The following GLB1 variants were observed in gnomAD, a reference collection of about 807,000 sequenced individuals.
GLB1 encodes the protein galactosidase beta 1.
Under a neutral mutation model 74.0 loss-of-function variants are expected in GLB1, and 56 were observed. The observed-to-expected ratio is 0.76, with a 90% CI of 0.61 to 0.94. GLB1 has a LOEUF of 0.94. GLB1 is among the 40% of genes least tolerant of loss of function. The pLI, the probability that GLB1 is intolerant of heterozygous loss-of-function variation, is 0.00. For synonymous variants in GLB1, 323 were observed against 323.6 expected (o/e 1.00, Z 0.02); for missense variants, 787 against 845.5 (o/e 0.93, Z 0.86).
intron 10 of GLB1, among the ~76,000 whole-genome samples, chr3:33,026,866 C>T (rs1697785257): frequency 6.6e-6 from 1 of 152,166 alleles, no homozygotes; most frequent in African/African-American, 2.4e-5. Flanking sequence ...CCACTGTGGG[C>T]CTCCTCTGAG....
At chr3:33,046,748 C>T (rs1018413995) in intron 9 of GLB1, among the ~76,000 whole-genome samples, 2 of 152,188 alleles carry the variant, frequency 1.3e-5, no homozygotes, top group Non-Finnish European at 2.9e-5. Context: ...GAGATGACAG[C>T]AGACCCACAT....
intron 1 of GLB1, among the ~76,000 whole-genome samples, chr3:33,081,855 G>C (rs1700334740): frequency 6.6e-6 from 1 of 152,212 alleles, no homozygotes; most frequent in South Asian, 2.1e-4. Flanking sequence ...AGTACTGCTT[G>C]ACATGTTTAA....
Position 33,083,397 on chromosome 3 carries a change from C to CAAAAA in GLB1, c.76-10689_76-10685dup, listed in dbSNP as rs60737086. Among the ~76,000 whole-genome samples the CAAAAA allele has an allele frequency of 4.8e-5, 5 of 104,156 alleles. 2 individuals carry two copies. The highest frequency in any genetic ancestry group is 1.2e-4 in the Admixed American group (1 of 8,424). The allele number at this position is 104,156 out of a possible 152,430, so 68.3% of individuals were successfully genotyped here. ...GGGCAACAAGACTGAAACTCTGTCT[C>CAAAAA]AAAAAAAAAAAAAAAAAAAAGTGGG... is the stretch of plus-strand genomic sequence containing the variant. On this transcript the variant is annotated intron_variant, in intron 1 of 15. Transcript: ENST00000307363.
chr3:33,053,388 G>C lies in GLB1; in HGVS notation c.792+103C>G. The C allele has an allele frequency of 2.6e-6, 4 of 1,535,886 alleles. No homozygotes were observed. In the South Asian group the frequency reaches 4.6e-5, roughly 17 times the overall value. On this transcript the variant is annotated intron_variant, in intron 7 of 15. Coordinates refer to ENST00000307363, the MANE Select transcript of GLB1 (RefSeq NM_000404.4). ...TGACTCCACAATCCCATTAGCTGCT[G>C]ACTCCAGAGCCAAAAACATCAAGGG...
At chr3:33,073,734 C>T (rs1300602066) in intron 1 of GLB1, among the ~76,000 whole-genome samples, 2 of 151,876 alleles carry the variant, frequency 1.3e-5, no homozygotes, top group African/African-American at 2.4e-5. Context: ...GAATAGCAGG[C>T]ACCGTTGCTT....
the GLB1 span, among the ~76,000 whole-genome samples, chr3:32,965,135 T>C: frequency 1.3e-5 from 2 of 152,166 alleles, no homozygotes; most frequent in Non-Finnish European, 2.9e-5. Flanking sequence ...TACAGTAAAT[T>C]GGTACCAGGT....
chr3:33,021,469 T>C, intron 12 of GLB1, 97 bp downstream of exon 12: 3 of 1,321,994 alleles, frequency 2.3e-6, no homozygotes, highest in Non-Finnish European at 3.2e-6. Flanking sequence ...TTGCTTACCA[T>C]TTTGGCCCCT....
intron 6 of GLB1, among the ~76,000 whole-genome samples, chr3:33,056,559 A>T (rs1390562440): frequency 6.6e-6 from 1 of 152,088 alleles, no homozygotes; most frequent in East Asian, 1.9e-4. Context: ...GACTACAGGC[A>T]CTTGCCACCA....
intron 10 of GLB1, among the ~76,000 whole-genome samples, chr3:33,026,538 T>G (rs1292879018): frequency 6.6e-6 from 1 of 152,038 alleles, no homozygotes; most frequent in African/African-American, 2.4e-5. Flanking sequence ...ACCTTCAAGC[T>G]GGGGAGGGCC....
chr3:33,012,064 T>C (rs1210323937), intron 15 of GLB1, among the ~76,000 whole-genome samples: 2 of 152,218 alleles, frequency 1.3e-5, no homozygotes, highest in Admixed American at 6.5e-5. Flanking sequence ...GTCTTCATCA[T>C]GTTTTTGTCC....
chr3:33,014,685 G>A (rs1162097310), intron 14 of GLB1, among the ~76,000 whole-genome samples: 1 of 152,176 alleles, frequency 6.6e-6, no homozygotes, highest in Non-Finnish European at 1.5e-5. Context: ...AAGAAAGATG[G>A]GCCAGGCGCA....
intron 1 of GLB1, among the ~76,000 whole-genome samples, chr3:33,088,505 C>A: frequency 6.6e-6 from 1 of 151,650 alleles, no homozygotes; most frequent in Admixed American, 6.6e-5. Flanking sequence ...TAAAAATGAA[C>A]AATCCTAAAT....
intron 9 of GLB1, among the ~76,000 whole-genome samples, chr3:33,049,480 G>A (rs1401022481): frequency 2.0e-5 from 3 of 152,140 alleles, no homozygotes; most frequent in East Asian, 1.9e-4. Flanking sequence ...GCAATGGCAC[G>A]ATCTCAGCTC....
At position 33,070,029 on chromosome 3, in the gene GLB1, G is replaced by A. The variant is rs1156910711; in HGVS notation, c.246-1059C>T. 2.0e-5 allele frequency among the ~76,000 whole-genome samples: 3 copies of A among 150,558 alleles called. No individual in the cohort carries two copies. In the South Asian group the frequency reaches 6.3e-4, roughly 32 times the overall value. On this transcript the variant is annotated intron_variant, in intron 2 of 15. Coordinates refer to ENST00000307363, the MANE Select transcript of GLB1 (RefSeq NM_000404.4). Reference sequence around the variant, plus strand: ...TGTGTCCATATGTACTCGATGTTTAGCTACCACTTATAAGTGAGAACATGT... The same window carrying A: ...TGTGTCCATATGTACTCGATGTTTAACTACCACTTATAAGTGAGAACATGT...
intron 15 of GLB1, among the ~76,000 whole-genome samples, chr3:33,002,708 C>T (rs924043253): frequency 1.3e-5 from 2 of 152,202 alleles, no homozygotes; most frequent in Non-Finnish European, 2.9e-5. Context: ...TGTGCCTGGT[C>T]TCACTACTGT....
intron 9 of GLB1, among the ~76,000 whole-genome samples, chr3:33,050,076 A>C (rs1332677724): frequency 6.6e-6 from 1 of 152,208 alleles, no homozygotes; most frequent in African/African-American, 2.4e-5. Context: ...ATAAAGAGAC[A>C]GGTGGGAAAT....
chr3:33,093,395 T>G lies in GLB1; in HGVS notation c.75+3616A>C. On this transcript the variant is annotated intron_variant, in intron 1 of 15. Coordinates refer to ENST00000307363, the MANE Select transcript of GLB1 (RefSeq NM_000404.4). The surrounding 1 kb of genome is among the most constrained non-coding windows in gnomAD (Gnocchi z 6.0). Reference sequence around the variant, plus strand: ...CTGTGACGAAGTAGGCACCGAGATGTGAATGAAGCTGGCCCAGAGGAGCGA... The same window carrying G: ...CTGTGACGAAGTAGGCACCGAGATGGGAATGAAGCTGGCCCAGAGGAGCGA... The G allele has an allele frequency of 1.2e-6, 2 of 1,613,650 alleles. No individual in the cohort carries two copies. Among genetic ancestry groups the G allele is most frequent in the Non-Finnish European group, 1.7e-6 (2 of 1,179,896 alleles).
intron 10 of GLB1, among the ~76,000 whole-genome samples, chr3:33,033,583 G>A (rs895360560): frequency 5.9e-5 from 9 of 152,188 alleles, no homozygotes; most frequent in African/African-American, 2.2e-4. Flanking sequence ...AAGAGTTCGA[G>A]ACCAGCCTGG....
chr3:33,076,195 C>T (rs1700095765), intron 1 of GLB1, among the ~76,000 whole-genome samples: 1 of 152,154 alleles, frequency 6.6e-6, no homozygotes, highest in Admixed American at 6.5e-5. Flanking sequence ...TGAGCCAAGG[C>T]CTAGGATAAA....
Sources: allele counts gnomAD v4.1 joint callset (sites outside exome capture counted in the v4.1 genomes callset), GRCh38; gene constraint gnomAD v4.1.1; non-coding constraint Gnocchi (gnomAD v3.1); transcripts MANE v1.5; gene names NCBI Gene and HGNC (gene_info 2026-07-23, HGNC 2026-07-21).